The following PCDHGA6 variants were observed in gnomAD, a reference collection of about 807,000 sequenced individuals.
PCDHGA6 encodes the protein protocadherin gamma subfamily A, 6, also known as protocadherin gamma-A6.
PCDHGA6 carries 41 observed loss-of-function variants against 60.6 expected under a neutral mutation model. The ratio of observed to expected loss-of-function variants is 0.68; its 90% CI spans 0.53 to 0.88. The LOEUF (loss-of-function observed/expected upper bound fraction) is 0.88, where lower values mean the gene tolerates loss of function less well. PCDHGA6 is among the 40% of genes least tolerant of loss of function. The pLI is 0.00. For synonymous variants in PCDHGA6, 594 were observed against 524.4 expected (o/e 1.13, Z -1.81); for missense variants, 1,312 against 1,203.0 (o/e 1.09, Z -1.34).
At chr5:141,492,216 C>T (rs1163022229) in intron 1 of PCDHGA6, among the ~76,000 whole-genome samples, 1 of 152,140 alleles carries the variant, frequency 6.6e-6, no homozygotes, top group Non-Finnish European at 1.5e-5. Context: ...GCGCGGGGCT[C>T]ATGCGTGTCC....
Position 141,427,133 on chromosome 5 carries a change from A to AGAT in PCDHGA6, c.2424+50630_2424+50632dup, listed in dbSNP as rs370316028. 2.9e-4 allele frequency: 134 copies of AGAT among 457,190 alleles called. 1 individual carries two copies. The highest frequency in any genetic ancestry group is 2.4e-3 in the African/African-American group (123 of 50,216). The allele number at this position is 457,190 out of a possible 1,614,324, so 28.3% of individuals were successfully genotyped here. On this transcript the variant is annotated intron_variant, in intron 1 of 3. Transcript: ENST00000517434. ...TCACCTACTCTTTCAAATCCCTACG[A>AGAT]GATGATATTGGAAATATGTTTGTGC...
At chr5:141,462,781 G>C (rs893647456) in intron 1 of PCDHGA6, among the ~76,000 whole-genome samples, 1 of 152,102 alleles carries the variant, frequency 6.6e-6, no homozygotes, top group Non-Finnish European at 1.5e-5. Flanking sequence ...GTCATAATTT[G>C]TTGCTTATTT....
chr5:141,465,606 T>C (rs192541390), intron 1 of PCDHGA6, among the ~76,000 whole-genome samples: 22 of 152,338 alleles, frequency 1.4e-4, no homozygotes, highest in African/African-American at 5.3e-4. Context: ...TATCACTCTT[T>C]GGCCCTCCAG....
chr5:141,510,821 C>G, intron 3 of PCDHGA6, 126 bp from the exon 4 acceptor site: 2 of 1,559,324 alleles, frequency 1.3e-6, no homozygotes, highest in Non-Finnish European at 1.7e-6. Context: ...CCCCTATATT[C>G]CCAGTGCTCA....
Position 141,418,943 on chromosome 5 carries a change from C to T in PCDHGA6, c.2424+42436C>T, listed in dbSNP as rs751344893. On this transcript the variant is annotated intron_variant, in intron 1 of 3. Coordinates refer to ENST00000517434, the MANE Select transcript of PCDHGA6 (RefSeq NM_018919.3). ...TGATCAGATTATGGAGGATTCCCCT[C>T]CAGGAGTGGTTGTTGCCCTCTTCAA... The T allele has an allele frequency of 3.1e-6, 5 of 1,613,914 alleles. No homozygotes were observed. The African/African-American group carries it at 6.7e-5, about 22-fold the overall frequency.
In PCDHGA6 at chr5:141,432,677, C is replaced by T. The variant is rs1241190176; in HGVS notation, c.2424+56170C>T. On this transcript the variant is annotated intron_variant, in intron 1 of 3. Transcript: ENST00000517434. This position sits in a 1 kb window ranked among gnomAD's most constrained non-coding sequence, Gnocchi z 6.0. ...CCTGCTGGACAGAGACGCGCTCAAGCAGAGCCTCGTAGTGGCCGTCCAGGA... is the reference window on the plus strand; with the variant it reads ...CCTGCTGGACAGAGACGCGCTCAAGTAGAGCCTCGTAGTGGCCGTCCAGGA... The T allele has an allele frequency of 1.2e-6, 2 of 1,613,942 alleles. No individual in the cohort carries two copies. The highest frequency in any genetic ancestry group is 1.1e-5 in the South Asian group (1 of 91,076).
chr5:141,478,748 A>G (rs2099474609), intron 1 of PCDHGA6: 2 of 1,525,644 alleles, frequency 1.3e-6, no homozygotes, highest in African/African-American at 1.4e-5. Context: ...GTCCCATTTC[A>G]GGGGGAAGAT....
At chr5:141,388,972 A>G in intron 1 of PCDHGA6, 1 of 1,614,008 alleles carries the variant, frequency 6.2e-7, no homozygotes, top group Non-Finnish European at 8.5e-7. Context: ...CTGGGAACAC[A>G]TATTGCTTTG....
intron 1 of PCDHGA6, among the ~76,000 whole-genome samples, chr5:141,470,714 T>C (rs1416956410): frequency 1.3e-5 from 2 of 152,152 alleles, no homozygotes; most frequent in Non-Finnish European, 2.9e-5. Context: ...TTTTATTTTT[T>C]TGAGTCAGGG....
intron 1 of PCDHGA6, among the ~76,000 whole-genome samples, chr5:141,488,394 A>C (rs2099674951): frequency 1.3e-5 from 2 of 152,232 alleles, no homozygotes. Flanking sequence ...TGGTGAAACC[A>C]TGAAACCTAG....
intron 1 of PCDHGA6, chr5:141,400,713 T>C: frequency 1.5e-6 from 1 of 686,914 alleles, no homozygotes; most frequent in South Asian, 2.0e-5. Context: ...GAAGTAGCCT[T>C]ATAGATTTAC....
In PCDHGA6 at chr5:141,375,608, T is replaced by G. The variant is rs1771640619; in HGVS notation, c.1525T>G (p.Ser509Ala). ...CCTGTCCTCCTACGTGTCCATCAAC[T>G]CCGACACTGGGATTCTGTACGCCCT... Reference protein sequence around the residue: ...APLSSYVSINSDTGILYALRS... With the variant: ...APLSSYVSINADTGILYALRS... Residue 509 changes from serine to alanine, a missense_variant, in exon 1 of 4, where the codon TCC (serine) becomes GCC (alanine). By Grantham distance (99) the Ser-to-Ala change is moderately conservative. Coordinates refer to ENST00000517434, the MANE Select transcript of PCDHGA6 (RefSeq NM_018919.3). The G allele has an allele frequency of 6.2e-7, 1 of 1,614,000 alleles. No individual in the cohort carries two copies. The highest frequency in any genetic ancestry group is 1.1e-5 in the South Asian group (1 of 91,078).
In PCDHGA6 at chr5:141,485,972, T is replaced by G; in HGVS notation, c.2425-8835T>G. ...CATGGTGCTCATCCAGCTCAATGCC[T>G]CAGACCCGGACCTGGGTCCCAGTGG... On this transcript the variant is annotated intron_variant, in intron 1 of 3. Transcript: ENST00000517434. The surrounding 1 kb of genome is among the most constrained non-coding windows in gnomAD (Gnocchi z 5.7). 1 of 1,614,184 alleles carries G rather than the reference T, an allele frequency of 6.2e-7. No individual in the cohort carries two copies. Among genetic ancestry groups the G allele is most frequent in the Non-Finnish European group, 8.5e-7 (1 of 1,180,022 alleles).
At chr5:141,403,638 A>C in intron 1 of PCDHGA6, 1 of 1,613,906 alleles carries the variant, frequency 6.2e-7, no homozygotes, top group East Asian at 2.2e-5. Context: ...GTGCGCATCC[A>C]TGTGACAGTG....
chr5:141,421,359 C>A (rs2096566292), intron 1 of PCDHGA6: 6 of 1,614,012 alleles, frequency 3.7e-6, no homozygotes, highest in Non-Finnish European at 5.1e-6. Context: ...AAAAGGGCTC[C>A]TTCGTGGGCA....
At chr5:141,389,757 C>T in intron 1 of PCDHGA6, 2 of 1,612,818 alleles carry the variant, frequency 1.2e-6, no homozygotes, top group East Asian at 2.2e-5. Flanking sequence ...GGGCGAAGTG[C>T]GCACAGCGCG....
intron 1 of PCDHGA6, chr5:141,410,207 C>T: frequency 6.2e-7 from 1 of 1,614,024 alleles, no homozygotes; most frequent in African/African-American, 1.3e-5. Context: ...AGACAACTTG[C>T]AAGAGATACT....
Position 141,432,593 on chromosome 5 carries a change from A to G in PCDHGA6, c.2424+56086A>G, listed in dbSNP as rs2097518945. ...GCTGTCCTACCGTCTGCTCAAGGCC[A>G]GCGAGCCGGGACTCTTCTCGGTGGG... On this transcript the variant is annotated intron_variant, in intron 1 of 3. Transcript: ENST00000517434. The surrounding 1 kb of genome is among the most constrained non-coding windows in gnomAD (Gnocchi z 6.0). 6.2e-7 allele frequency: 1 copy of G among 1,612,958 alleles called. No individual in the cohort carries two copies. Among genetic ancestry groups the G allele is most frequent in the Non-Finnish European group, 8.5e-7 (1 of 1,179,834 alleles).
chr5:141,485,726 C>G lies in PCDHGA6; in HGVS notation c.2425-9081C>G. On this transcript the variant is annotated intron_variant, in intron 1 of 3. Transcript: ENST00000517434. The surrounding 1 kb of genome is among the most constrained non-coding windows in gnomAD (Gnocchi z 5.7). ...ACACTTTGCACTGGATGTGAAGAAG[C>G]GCAGCGACGGCAGCCTGGTCCCAGA... 2 of 1,614,140 alleles carry G rather than the reference C, an allele frequency of 1.2e-6. No individual in the cohort carries two copies. The highest frequency in any genetic ancestry group is 1.1e-5 in the South Asian group (1 of 91,082).
Sources: allele counts gnomAD v4.1 joint callset (sites outside exome capture counted in the v4.1 genomes callset), GRCh38; gene constraint gnomAD v4.1.1; non-coding constraint Gnocchi (gnomAD v3.1); transcripts MANE v1.5; gene names NCBI Gene and HGNC (gene_info 2026-07-23, HGNC 2026-07-21).